IQCM: variants seen among roughly 807,000 people sequenced by gnomAD.
IQCM encodes the protein IQ motif containing M, also known as IQ domain-containing protein M.
IQCM carries 45 observed loss-of-function variants against 57.6 expected under a neutral mutation model. That is an observed-to-expected ratio of 0.78 (90% CI 0.62 to 1.00). The LOEUF is 1.00. Among genes scored for constraint, IQCM ranks in the 50% least tolerant of loss-of-function variants. IQCM has a pLI of 0.00. For synonymous variants in IQCM, 148 were observed against 158.9 expected, an observed-to-expected ratio of 0.93 and a Z score of 0.51; for missense variants, 468 against 511.6, an observed-to-expected ratio of 0.91 and a Z score of 0.82.
chr4:149,609,210 T>C (rs1337088700), intron 8 of IQCM, among the ~76,000 whole-genome samples: 1 of 151,740 alleles, frequency 6.6e-6, no homozygotes, highest in South Asian at 2.1e-4. Flanking sequence ...AAAACCTGAA[T>C]AGACCACAAC....
Position 149,695,832 on chromosome 4 carries a change from G to A in IQCM, c.386-9364C>T, listed in dbSNP as rs535613786. On this transcript the variant is annotated intron_variant, in intron 5 of 13. Coordinates refer to ENST00000636793, the MANE Select transcript of IQCM (RefSeq NM_001363507.2). Reference sequence around the variant, plus strand: ...CTATTAATAAGTTTCCAGTGAGTTCGCCATGAAGACCTTTATTTTCTCTAT... The same window carrying A: ...CTATTAATAAGTTTCCAGTGAGTTCACCATGAAGACCTTTATTTTCTCTAT... Among the ~76,000 whole-genome samples the A allele has an allele frequency of 4.9e-4, 75 of 152,034 alleles. 1 individual carries two copies. The highest frequency in any genetic ancestry group is 9.3e-4 in the Non-Finnish European group (63 of 68,018).
intron 8 of IQCM, among the ~76,000 whole-genome samples, chr4:149,594,312 A>C (rs536614855): frequency 6.6e-6 from 1 of 152,152 alleles, no homozygotes; most frequent in South Asian, 2.1e-4. Flanking sequence ...TATCTCCTTT[A>C]TCATTTTTAT....
chr4:149,700,264 T>C (rs780249400), intron 5 of IQCM, among the ~76,000 whole-genome samples: 3 of 152,062 alleles, frequency 2.0e-5, no homozygotes, highest in Admixed American at 6.6e-5. Context: ...GGAGCTTTGT[T>C]AAGAGCTGAC....
chr4:149,683,916 C>A (rs1323479248), intron 6 of IQCM, among the ~76,000 whole-genome samples: 2 of 151,184 alleles, frequency 1.3e-5, no homozygotes, highest in Non-Finnish European at 3.0e-5. Flanking sequence ...TTGATCAGAA[C>A]AACCTAAACA....
At chr4:149,485,967 C>T (rs554771165) in intron 12 of IQCM, among the ~76,000 whole-genome samples, 1 of 150,898 alleles carries the variant, frequency 6.6e-6, no homozygotes, top group African/African-American at 2.4e-5. Flanking sequence ...ATCTGGGTTA[C>T]CAGGCAGAGA....
intron 13 of IQCM, among the ~76,000 whole-genome samples, chr4:149,359,336 T>C (rs1049290746): frequency 2.6e-5 from 4 of 152,188 alleles, no homozygotes; most frequent in African/African-American, 9.6e-5. Flanking sequence ...TAGAAATACA[T>C]GTAAAATATT....
chr4:149,596,215 T>G (rs1335844806), intron 8 of IQCM, among the ~76,000 whole-genome samples: 1 of 152,172 alleles, frequency 6.6e-6, no homozygotes, highest in Non-Finnish European at 1.5e-5. Context: ...TGAAAAAAGA[T>G]ACAAGGGGAT....
intron 12 of IQCM, among the ~76,000 whole-genome samples, chr4:149,454,303 T>G (rs1737453519): frequency 6.6e-6 from 1 of 151,692 alleles, no homozygotes; most frequent in African/African-American, 2.4e-5. Flanking sequence ...TAGAGTGAGA[T>G]CATGTCCTTT....
chr4:149,394,506 T>C (rs1732086158), intron 13 of IQCM, among the ~76,000 whole-genome samples: 1 of 152,042 alleles, frequency 6.6e-6, no homozygotes, highest in South Asian at 2.1e-4. Flanking sequence ...GCCTAATTTA[T>C]GTACCTCCTT....
At chr4:149,365,893 T>G (rs1729795883) in intron 13 of IQCM, among the ~76,000 whole-genome samples, 1 of 152,086 alleles carries the variant, frequency 6.6e-6, no homozygotes, top group African/African-American at 2.4e-5. Context: ...GAATTTAGAA[T>G]TAGATGCTGG....
intron 12 of IQCM, among the ~76,000 whole-genome samples, chr4:149,478,711 C>A (rs1180123273): frequency 6.6e-6 from 1 of 152,050 alleles, no homozygotes; most frequent in Non-Finnish European, 1.5e-5. Context: ...AGACATGAGG[C>A]AAGCAGGAAC....
intron 12 of IQCM, among the ~76,000 whole-genome samples, chr4:149,459,620 C>T (rs1001293112): frequency 6.6e-6 from 1 of 152,134 alleles, no homozygotes; most frequent in African/African-American, 2.4e-5. Context: ...CTCTCCTCCC[C>T]CAGCCCCTGG....
chr4:149,767,622 T>C (rs2149979702), intron 2 of IQCM, among the ~76,000 whole-genome samples: 1 of 152,064 alleles, frequency 6.6e-6, no homozygotes, highest in Admixed American at 6.6e-5. Flanking sequence ...GGACCCCAGT[T>C]TCTAGGATGC....
intron 9 of IQCM, among the ~76,000 whole-genome samples, chr4:149,583,165 G>C (rs1343006285): frequency 6.6e-6 from 1 of 151,408 alleles, no homozygotes; most frequent in East Asian, 1.9e-4. Flanking sequence ...AAAATAGGAA[G>C]AAGGAAGAAT....
intron 2 of IQCM, among the ~76,000 whole-genome samples, chr4:149,803,257 G>A (rs1222137843): frequency 6.6e-6 from 1 of 151,890 alleles, no homozygotes; most frequent in Non-Finnish European, 1.5e-5. Flanking sequence ...ATCATGTTAT[G>A]TGCCATCATA....
chr4:149,451,050 C>A lies in IQCM; in HGVS notation c.1229-17493G>T, dbSNP rs1266429538. ...GTCATTTGCAACAACATGGATGGGA[C>A]TGGAGGTCATTATGCTAAGTGAAAT... On this transcript the variant is annotated intron_variant, in intron 12 of 13. Coordinates refer to ENST00000636793, the MANE Select transcript of IQCM (RefSeq NM_001363507.2). Among the ~76,000 whole-genome samples, 3 of 151,724 alleles carry A rather than the reference C, an allele frequency of 2.0e-5. No individual in the cohort carries two copies. The Admixed American group carries it at 2.0e-4, about 10-fold the overall frequency.
rs532615152 is a variant in IQCM, at chr4:149,523,649, T to C, written c.1228+24806A>G. Among the ~76,000 whole-genome samples, 15 of 152,204 alleles carry C rather than the reference T, an allele frequency of 9.9e-5. No individual in the cohort carries two copies. In the South Asian group the frequency reaches 3.1e-3, roughly 32 times the overall value. On this transcript the variant is annotated intron_variant, in intron 12 of 13. Transcript: ENST00000636793. ...TGAGCAATAATCATTCACTGGAATA[T>C]CTACATCAATATTTATAGGTAGATG...
At chr4:149,422,845 A>T (rs1231551935) in intron 13 of IQCM, among the ~76,000 whole-genome samples, 1 of 152,080 alleles carries the variant, frequency 6.6e-6, no homozygotes, top group Non-Finnish European at 1.5e-5. Context: ...TTCTATAGTT[A>T]TAAATAGTTT....
intron 2 of IQCM, among the ~76,000 whole-genome samples, chr4:149,803,540 T>G (rs1773802332): frequency 6.6e-6 from 1 of 152,024 alleles, no homozygotes; most frequent in South Asian, 2.1e-4. Context: ...TTCAAAAATT[T>G]CTGGTACAGT....
Sources: allele counts gnomAD v4.1 joint callset (sites outside exome capture counted in the v4.1 genomes callset), GRCh38; gene constraint gnomAD v4.1.1; transcripts MANE v1.5; gene names NCBI Gene and HGNC (gene_info 2026-07-23, HGNC 2026-07-21).